The following OPCML variants were observed in gnomAD, a reference collection of about 807,000 sequenced individuals.
OPCML encodes the protein opioid binding protein/cell adhesion molecule like, also known as opioid-binding protein/cell adhesion molecule.
Under a neutral mutation model 37.8 loss-of-function variants are expected in OPCML, and 13 were observed. That is an observed-to-expected ratio of 0.34 (90% CI 0.22 to 0.55). The LOEUF (loss-of-function observed/expected upper bound fraction) is 0.55. Ranked by LOEUF, OPCML falls within the 20% of genes least tolerant of loss-of-function variation. OPCML has a pLI of 0.91. For missense variants in OPCML, 341 were observed against 435.6 expected (o/e 0.78, Z 1.93); for synonymous variants, 176 against 168.8 (o/e 1.04, Z -0.33).
At chr11:132,999,570 G>GC (rs2136841228) in intron 1 of OPCML, among the ~76,000 whole-genome samples, 1 of 105,528 alleles carries the variant, frequency 9.5e-6, no homozygotes, top group African/African-American at 3.0e-5. Context: ...AAATGGGGTC[G>GC]GGGGGGGAAT....
intron 2 of OPCML, among the ~76,000 whole-genome samples, chr11:132,890,415 G>A (rs1393744568): frequency 4.6e-5 from 7 of 152,246 alleles, no homozygotes; most frequent in African/African-American, 7.2e-5. Flanking sequence ...TTTGGAGACC[G>A]GAGAAGTGAA....
chr11:133,028,025 T>C (rs145354548), intron 1 of OPCML, among the ~76,000 whole-genome samples: 2 of 152,144 alleles, frequency 1.3e-5, no homozygotes, highest in East Asian at 3.9e-4. Context: ...ATATGGTGGT[T>C]AGCCTCTCTT....
At chr11:132,996,830 C>T (rs1260562677) in intron 1 of OPCML, among the ~76,000 whole-genome samples, 1 of 152,106 alleles carries the variant, frequency 6.6e-6, no homozygotes, top group Non-Finnish European at 1.5e-5. Flanking sequence ...ACAAGGATGT[C>T]TATTATTTTA....
intron 1 of OPCML, among the ~76,000 whole-genome samples, chr11:133,103,246 G>A (rs1453829): frequency 0.43 from 65,000 of 151,976 alleles, 15,886 homozygotes; most frequent in Admixed American, 0.54. Flanking sequence ...ACCTTTACAC[G>A]TCTACTAGTT....
chr11:132,432,189 A>C (rs2095999341), intron 7 of OPCML, among the ~76,000 whole-genome samples: 1 of 152,204 alleles, frequency 6.6e-6, no homozygotes, highest in Non-Finnish European at 1.5e-5. Flanking sequence ...CAAGTGTAAA[A>C]TCAGGATAAA....
chr11:133,008,559 C>T (rs1025581790), intron 1 of OPCML: 1 of 474,276 alleles, frequency 2.1e-6, no homozygotes, highest in African/African-American at 2.1e-5. Flanking sequence ...CTGGGAACTG[C>T]CCTCAGTGGA....
intron 1 of OPCML, among the ~76,000 whole-genome samples, chr11:133,346,933 C>G (rs1302253443): frequency 1.3e-5 from 2 of 152,088 alleles, no homozygotes; most frequent in African/African-American, 4.8e-5. Context: ...ATAAAATTCC[C>G]TACTGAAGAC....
chr11:132,645,941 G>A (rs1941126690), intron 3 of OPCML, among the ~76,000 whole-genome samples: 1 of 152,190 alleles, frequency 6.6e-6, no homozygotes, highest in Admixed American at 6.5e-5. Context: ...TATCCAGGGA[G>A]AAGAACATTA....
intron 3 of OPCML, among the ~76,000 whole-genome samples, chr11:132,649,719 G>A (rs1280913562): frequency 1.3e-5 from 2 of 152,048 alleles, no homozygotes; most frequent in Non-Finnish European, 2.9e-5. Flanking sequence ...ATGTATATGT[G>A]TATATCCAAG....
chr11:133,229,226 A>T (rs1157451669), intron 1 of OPCML, among the ~76,000 whole-genome samples: 1 of 152,196 alleles, frequency 6.6e-6, no homozygotes, highest in Non-Finnish European at 1.5e-5. Flanking sequence ...AATACATTTC[A>T]TGATTGGAGG....
chr11:132,920,698 T>A (rs1038448550), intron 2 of OPCML, among the ~76,000 whole-genome samples: 2 of 152,188 alleles, frequency 1.3e-5, no homozygotes, highest in African/African-American at 4.8e-5. Context: ...AATACCACCA[T>A]TAATCTTTCG....
At chr11:132,725,372 C>T (rs1204603311) in intron 2 of OPCML, among the ~76,000 whole-genome samples, 1 of 152,134 alleles carries the variant, frequency 6.6e-6, no homozygotes, top group Non-Finnish European at 1.5e-5. Flanking sequence ...GGTACCAAGT[C>T]CTTAGGATGC....
intron 3 of OPCML, among the ~76,000 whole-genome samples, chr11:132,535,105 A>G (rs924838695): frequency 6.7e-6 from 1 of 149,758 alleles, no homozygotes; most frequent in African/African-American, 2.4e-5. Context: ...ATAGTATAAC[A>G]TTACTATATA....
intron 1 of OPCML, among the ~76,000 whole-genome samples, chr11:133,494,558 C>A (rs1947739099): frequency 6.8e-6 from 1 of 146,042 alleles, no homozygotes; most frequent in Non-Finnish European, 1.5e-5. Flanking sequence ...ATGATGAGTT[C>A]ATGTCCTTTG....
At position 133,377,612 on chromosome 11, in the gene OPCML, G is replaced by GAAAAAAAAAAAAAAAAAAAAAAAAAA. The variant is rs71477791; in HGVS notation, c.61+154651_61+154652insTTTTTTTTTTTTTTTTTTTTTTTTTT. Among the ~76,000 whole-genome samples, 91 of 79,030 alleles carry GAAAAAAAAAAAAAAAAAAAAAAAAAA rather than the reference G, an allele frequency of 1.2e-3. 14 individuals carry two copies. Among genetic ancestry groups the GAAAAAAAAAAAAAAAAAAAAAAAAAA allele is most frequent in the South Asian group, 3.0e-3 (6 of 1,984 alleles). 51.8% of individuals were successfully genotyped at this position (79,030 alleles called of 152,430 possible). On this transcript the variant is annotated intron_variant, in intron 1 of 7. Transcript: ENST00000524381. ...GCTCTCTCTGACGTGCCAGTATTCA[G>GAAAAAAAAAAAAAAAAAAAAAAAAAA]AAAAAAAAAAAAAAAGAGCACCAAG...
chr11:133,135,440 G>GTT (rs11291782), intron 1 of OPCML, among the ~76,000 whole-genome samples: 34 of 131,234 alleles, frequency 2.6e-4, no homozygotes, highest in African/African-American at 9.0e-4. Context: ...CCCTCCATAG[G>GTT]TTTTTTTTTT....
intron 2 of OPCML, among the ~76,000 whole-genome samples, chr11:132,701,626 G>T (rs1943820367): frequency 1.3e-5 from 2 of 152,050 alleles, no homozygotes. Flanking sequence ...TTTGATTGGA[G>T]AATTTAATCC....
intron 1 of OPCML, among the ~76,000 whole-genome samples, chr11:133,508,251 C>T (rs781002022): frequency 1.3e-5 from 2 of 152,090 alleles, no homozygotes; most frequent in Non-Finnish European, 2.9e-5. Flanking sequence ...AGAAAATGTG[C>T]TTGGGCTGGG....
chr11:132,916,316 G>A (rs555668610), intron 2 of OPCML, among the ~76,000 whole-genome samples: 132 of 152,196 alleles, frequency 8.7e-4, no homozygotes, highest in African/African-American at 3.1e-3. Flanking sequence ...CCCCACCCAT[G>A]AGGGCCCCTT....
Sources: gnomAD v4.1 joint callset for allele counts (sites outside exome capture counted in the v4.1 genomes callset) on GRCh38, gnomAD v4.1.1 for gene constraint, MANE v1.5 for transcripts, NCBI Gene and HGNC (gene_info 2026-07-23, HGNC 2026-07-21) for gene names.